The following SLC4A10 variants were observed in gnomAD, a reference collection of about 807,000 sequenced individuals.
SLC4A10 encodes the protein solute carrier family 4 member 10.
SLC4A10 carries 42 observed loss-of-function variants against 137.7 expected under a neutral mutation model. The ratio of observed to expected loss-of-function variants is 0.30; its 90% CI spans 0.24 to 0.39. The LOEUF (loss-of-function observed/expected upper bound fraction) is 0.39. SLC4A10 is among the 10% of genes least tolerant of loss of function. The pLI, the probability that SLC4A10 is intolerant of heterozygous loss-of-function variation, is 1.00. For missense variants in SLC4A10, 925 were observed against 1,355.0 expected (o/e 0.68, Z 4.98); for synonymous variants, 474 against 464.1 (o/e 1.02, Z -0.27).
intron 1 of SLC4A10, among the ~76,000 whole-genome samples, chr2:161,710,157 T>G (rs1354865213): frequency 6.6e-6 from 1 of 151,746 alleles, no homozygotes; most frequent in Non-Finnish European, 1.5e-5. Flanking sequence ...TTAGCCAGCT[T>G]ATATTCTTAT....
At chr2:161,677,942 T>G (rs1042703377) in intron 1 of SLC4A10, among the ~76,000 whole-genome samples, 1 of 152,152 alleles carries the variant, frequency 6.6e-6, no homozygotes, top group Non-Finnish European at 1.5e-5. Flanking sequence ...AGGTATATCC[T>G]GAAATCACGT....
chr2:161,979,514 G>A (rs558944859), intron 26 of SLC4A10, among the ~76,000 whole-genome samples: 2 of 152,262 alleles, frequency 1.3e-5, no homozygotes, highest in Admixed American at 6.5e-5. Flanking sequence ...TCGCATTTGT[G>A]GTTTTCCATG....
chr2:161,823,302 T>C (rs1217983651), intron 3 of SLC4A10, among the ~76,000 whole-genome samples: 1 of 152,258 alleles, frequency 6.6e-6, no homozygotes, highest in Non-Finnish European at 1.5e-5. Flanking sequence ...CTGTTGTACT[T>C]AATGTACTAC....
chr2:161,905,561 G>A (rs1684168509), intron 14 of SLC4A10, 81 bp from the exon 15 acceptor site: 4 of 1,500,884 alleles, frequency 2.7e-6, no homozygotes, highest in Middle Eastern at 3.8e-4. Flanking sequence ...TCCTGAATGA[G>A]GTTTATTTTC....
Position 161,983,987 on chromosome 2 carries a change from A to G in SLC4A10, c.*835A>G, listed in dbSNP as rs543947875. 10 of 152,318 alleles carry G rather than the reference A, an allele frequency of 6.6e-5. No individual in the cohort carries two copies. The highest frequency in any genetic ancestry group is 1.9e-4 in the African/African-American group (8 of 41,576). The allele number at this position is 152,318 out of a possible 1,614,324, so 9.4% of individuals were successfully genotyped here. On this transcript the variant is annotated 3_prime_UTR_variant, in exon 27 of 27. Transcript: ENST00000446997. ...TATAAACCTTTATCAGAAATATACT[A>G]AGTTTGTCTCCCACTGACAACAGAT...
chr2:161,920,579 C>G (rs1210755239), intron 15 of SLC4A10, among the ~76,000 whole-genome samples: 2 of 152,180 alleles, frequency 1.3e-5, no homozygotes, highest in Non-Finnish European at 2.9e-5. Flanking sequence ...TCAACTTGCA[C>G]TGTATGCCTG....
At chr2:161,930,919 GTTTTGTTTTGTTTTGTTTTA>G (rs1182702249) in intron 15 of SLC4A10, among the ~76,000 whole-genome samples, 12 of 145,232 alleles carry the variant, frequency 8.3e-5, no homozygotes, top group African/African-American at 2.4e-4. Flanking sequence ...GTTTTGTTTT[GTTTTGTTTTGTTTTGTTTTA>G]TTTTGTTTTT....
rs1241841967 is a variant in SLC4A10 at position 161,695,674 on chromosome 2, C to T, written c.48+71108C>T. 5.3e-5 allele frequency among the ~76,000 whole-genome samples: 8 copies of T among 152,056 alleles called. 1 individual carries two copies. The highest frequency in any genetic ancestry group is 1.5e-5 in the Non-Finnish European group (1 of 67,996). On this transcript the variant is annotated intron_variant, in intron 1 of 26. Coordinates refer to ENST00000446997, the MANE Select transcript of SLC4A10 (RefSeq NM_001178015.2). The stretch of plus-strand genomic sequence containing the variant: ...CACTTATATCTCTCTGCTCTCATTC[C>T]TTAGGCTATTTTATAGAATATCTTC...
intron 3 of SLC4A10, among the ~76,000 whole-genome samples, chr2:161,810,271 C>G (rs1422244744): frequency 6.6e-6 from 1 of 151,876 alleles, no homozygotes; most frequent in Non-Finnish European, 1.5e-5. Flanking sequence ...TTGGTGGAGT[C>G]TTTAGGGTTT....
chr2:161,644,426 C>T (rs1172435008), intron 1 of SLC4A10, among the ~76,000 whole-genome samples: 1 of 152,022 alleles, frequency 6.6e-6, no homozygotes, highest in African/African-American at 2.4e-5. Flanking sequence ...TTAGAGGATG[C>T]ATTGAGCTGT....
At chr2:161,653,240 C>G (rs1305732714) in intron 1 of SLC4A10, among the ~76,000 whole-genome samples, 5 of 152,090 alleles carry the variant, frequency 3.3e-5, no homozygotes, top group Admixed American at 3.3e-4. Context: ...TTTCTTTATC[C>G]AATCTATCAT....
At chr2:161,692,723 T>C (rs1043420414) in intron 1 of SLC4A10, among the ~76,000 whole-genome samples, 3 of 152,100 alleles carry the variant, frequency 2.0e-5, no homozygotes, top group Non-Finnish European at 2.9e-5. Flanking sequence ...GCACTCGATC[T>C]AAAAACCTCC....
intron 3 of SLC4A10, among the ~76,000 whole-genome samples, chr2:161,814,547 T>C (rs1361778089): frequency 2.6e-5 from 4 of 151,794 alleles, no homozygotes; most frequent in Non-Finnish European, 5.9e-5. Flanking sequence ...AACAGTGGAT[T>C]GAATAAAGAA....
chr2:161,698,475 C>T (rs571647504), intron 1 of SLC4A10, among the ~76,000 whole-genome samples: 37 of 152,212 alleles, frequency 2.4e-4, no homozygotes, highest in Non-Finnish European at 4.3e-4. Flanking sequence ...TTTTGAGATA[C>T]GTCCCATCAA....
intron 1 of SLC4A10, among the ~76,000 whole-genome samples, chr2:161,765,143 G>A (rs1036472352): frequency 5.3e-5 from 8 of 152,008 alleles, no homozygotes; most frequent in Non-Finnish European, 7.4e-5. Flanking sequence ...AAATATTGGG[G>A]TGCATTGTTA....
chr2:161,888,746 G>A (rs1378302007), intron 10 of SLC4A10, among the ~76,000 whole-genome samples: 2 of 151,946 alleles, frequency 1.3e-5, no homozygotes, highest in East Asian at 3.9e-4. Context: ...GACAATTTGA[G>A]TTCCTCTCTT....
intron 3 of SLC4A10, among the ~76,000 whole-genome samples, chr2:161,836,601 G>GAAGA (rs1559359832): frequency 4.6e-4 from 11 of 23,992 alleles, no homozygotes; most frequent in Non-Finnish European, 1.3e-3. Flanking sequence ...AGAAAGAAAG[G>GAAGA]AAGGAAGGAA....
At chr2:161,974,024 G>A (rs1402371406) in intron 23 of SLC4A10, among the ~76,000 whole-genome samples, 1 of 152,118 alleles carries the variant, frequency 6.6e-6, no homozygotes, top group Non-Finnish European at 1.5e-5. Flanking sequence ...GAAGGAGATT[G>A]TTGTTAGCAT....
At chr2:161,818,813 T>A (rs183019520) in intron 3 of SLC4A10, among the ~76,000 whole-genome samples, 1 of 152,340 alleles carries the variant, frequency 6.6e-6, no homozygotes, top group East Asian at 1.9e-4. Context: ...CAGCCTTGCA[T>A]CCCAGGGATG....
Sources: allele counts gnomAD v4.1 joint callset (sites outside exome capture counted in the v4.1 genomes callset), GRCh38; gene constraint gnomAD v4.1.1; transcripts MANE v1.5; gene names NCBI Gene and HGNC (gene_info 2026-07-23, HGNC 2026-07-21).